Variants in RGS9 observed in about 807,000 individuals in gnomAD.
RGS9 encodes regulator of G-protein signalling 9.
RGS9 carries 78 observed loss-of-function variants against 102.0 expected under a neutral mutation model. The ratio of observed to expected loss-of-function variants is 0.76; its 90% CI spans 0.64 to 0.92. RGS9 has a LOEUF of 0.92. RGS9 is among the 40% of genes least tolerant of loss of function. RGS9 has a pLI of 0.00. For synonymous variants in RGS9, 353 were observed against 318.6 expected (o/e 1.11, Z -1.15); for missense variants, 833 against 866.1 (o/e 0.96, Z 0.48).
rs188902140 is a variant in RGS9, at chr17:65,168,201, G to A, written c.502G>A (p.Ala168Thr). 4 of 1,607,424 alleles carry A rather than the reference G, an allele frequency of 2.5e-6. No individual in the cohort carries two copies. The highest frequency in any genetic ancestry group is 2.7e-5 in the African/African-American group (2 of 74,802). The part of the protein sequence containing the change: ...VIMQAKEQYR[A>T]GKERNKADRY... ...TACACGTGGCTTTTGGCTTTCCAGG[G>A]CTGGAAAGGAGAGGAACAAAGCAGA... Residue 168 changes from alanine (A) to threonine (T), a missense_variant and splice_region_variant, in exon 8 of 19, where the codon GCT becomes ACT. Coordinates refer to ENST00000262406, the MANE Select transcript of RGS9 (RefSeq NM_003835.4).
At chr17:65,217,116 C>T (rs1044702963) in intron 17 of RGS9, among the ~76,000 whole-genome samples, 2 of 150,318 alleles carry the variant, frequency 1.3e-5, no homozygotes, top group Non-Finnish European at 3.0e-5. Flanking sequence ...GTGGGGGATA[C>T]GGGTGGGTGG....
intron 2 of RGS9, among the ~76,000 whole-genome samples, chr17:65,156,418 C>G (rs575352736): frequency 6.6e-6 from 1 of 152,374 alleles, no homozygotes; most frequent in East Asian, 1.9e-4. Flanking sequence ...GGCGAGGTCG[C>G]CCATCCTGCC....
intron 17 of RGS9, among the ~76,000 whole-genome samples, chr17:65,223,909 T>C (rs1331248853): frequency 2.7e-5 from 4 of 147,966 alleles, no homozygotes; most frequent in Non-Finnish European, 5.9e-5. Flanking sequence ...CACCACCACA[T>C]CCAGCTATTT....
At chr17:65,165,053 G>A (rs1911125413) in intron 7 of RGS9, among the ~76,000 whole-genome samples, 1 of 152,090 alleles carries the variant, frequency 6.6e-6, no homozygotes, top group Non-Finnish European at 1.5e-5. Context: ...TTCCAGCACT[G>A]GGCTGGGCTC....
intron 1 of RGS9, among the ~76,000 whole-genome samples, chr17:65,142,866 A>G (rs1350230568): frequency 6.6e-6 from 1 of 151,816 alleles, no homozygotes; most frequent in Non-Finnish European, 1.5e-5. Context: ...GCAGGTGTAA[A>G]CCACAAAGCC....
Position 65,163,056 on chromosome 17 carries a change from A to C in RGS9, c.467A>C (p.Asp156Ala). Residue 156 changes from aspartate to alanine, a missense_variant, in exon 7 of 19, where the codon GAC becomes GCC. By Grantham distance (126) the Asp-to-Ala change is moderately radical (BLOSUM62 -2). This residue lies in a region of RGS9 where 328 missense variants were observed against 340.6 expected (regional missense o/e 0.96). Transcript: ENST00000262406. ...FLNQKMNYKWDFVIMQAKEQY... is the reference protein window; with the variant it reads ...FLNQKMNYKWAFVIMQAKEQY... ...AACCAAAAAATGAACTATAAGTGGG[A>C]CTTTGTCATTATGCAGGCCAAAGAG... is the stretch of plus-strand genomic sequence containing the variant. 1 of 1,604,384 alleles carries C rather than the reference A, an allele frequency of 6.2e-7. No individual in the cohort carries two copies. The highest frequency in any genetic ancestry group is 2.2e-5 in the East Asian group (1 of 44,674).
At chr17:65,179,486 C>CTT (rs55658667) in intron 9 of RGS9, among the ~76,000 whole-genome samples, 12 of 151,492 alleles carry the variant, frequency 7.9e-5, no homozygotes, top group African/African-American at 2.4e-4. Context: ...GGAAGGGTTG[C>CTT]TTTTTTTTAT....
chr17:65,197,178 G>A lies in RGS9; in HGVS notation c.913G>A (p.Glu305Lys), dbSNP rs1467653724. The change falls in exon 13 of 19, where the codon GAA (glutamate) becomes AAA (lysine). Residue 305 changes from glutamate to lysine, a missense_variant. Physicochemically the swap from Glu to Lys is moderately conservative, Grantham distance 56. Transcript: ENST00000262406. Reference protein sequence around the residue: ...RVERWAFNFSELIRDPKGRQS... With the variant: ...RVERWAFNFSKLIRDPKGRQS... ...GGAACGATGGGCCTTCAACTTCAGC[G>A]AATTGATCCGAGACCCCAAAGGTCG... is the stretch of plus-strand genomic sequence containing the variant. 21 of 1,613,848 alleles carry A rather than the reference G, an allele frequency of 1.3e-5. No individual in the cohort carries two copies. The highest frequency in any genetic ancestry group is 1.7e-5 in the Non-Finnish European group (20 of 1,179,942).
intron 1 of RGS9, among the ~76,000 whole-genome samples, chr17:65,138,990 C>G (rs28538146): frequency 5.8e-4 from 9 of 15,492 alleles, no homozygotes; most frequent in Non-Finnish European, 2.7e-3. Flanking sequence ...ATCCCCTCCT[C>G]CACCCCAGCA....
intron 2 of RGS9, among the ~76,000 whole-genome samples, chr17:65,154,833 G>T (rs139002414): frequency 6.6e-6 from 1 of 152,306 alleles, no homozygotes; most frequent in South Asian, 2.1e-4. Context: ...CCAAGCCCGG[G>T]CCTCACCACG....
intron 13 of RGS9, among the ~76,000 whole-genome samples, chr17:65,200,217 A>G (rs926177729): frequency 6.6e-6 from 1 of 151,990 alleles, no homozygotes; most frequent in African/African-American, 2.4e-5. Flanking sequence ...TTTTTAGTAG[A>G]GACAGGGTTT....
At chr17:65,204,098 G>C (rs1912954500) in intron 14 of RGS9, 65 bp from the exon 15 acceptor site, 1 of 1,594,644 alleles carries the variant, frequency 6.3e-7, no homozygotes, top group South Asian at 1.1e-5. Context: ...CTCCCAAGCA[G>C]CTGTGAGCTA....
chr17:65,189,793 T>C (rs1208209468), intron 10 of RGS9, among the ~76,000 whole-genome samples: 1 of 152,232 alleles, frequency 6.6e-6, no homozygotes, highest in East Asian at 1.9e-4. Context: ...GATAACTTGC[T>C]TTGGCCAATG....
At chr17:65,219,301 T>TGAA (rs1204923614) in intron 17 of RGS9, among the ~76,000 whole-genome samples, 1 of 152,222 alleles carries the variant, frequency 6.6e-6, no homozygotes, top group Non-Finnish European at 1.5e-5. Flanking sequence ...TGTTTGGTAG[T>TGAA]GAAGGGACTG....
At chr17:65,218,995 G>T (rs758416214) in intron 17 of RGS9, among the ~76,000 whole-genome samples, 1 of 152,218 alleles carries the variant, frequency 6.6e-6, no homozygotes, top group African/African-American at 2.4e-5. Context: ...GGCAAGGACT[G>T]CTAGCCTGGT....
chr17:65,188,113 C>T (rs1912201746), intron 9 of RGS9, among the ~76,000 whole-genome samples: 1 of 152,020 alleles, frequency 6.6e-6, no homozygotes, highest in Non-Finnish European at 1.5e-5. Context: ...GCTGGGATCA[C>T]CACCTTGCCC....
intron 1 of RGS9, among the ~76,000 whole-genome samples, chr17:65,140,995 T>C (rs1359584861): frequency 6.6e-6 from 1 of 152,054 alleles, no homozygotes; most frequent in Non-Finnish European, 1.5e-5. Flanking sequence ...AGCTCCAACC[T>C]CTTGAGAAAT....
At chr17:65,161,456 T>TG (rs1222306013) in intron 6 of RGS9, among the ~76,000 whole-genome samples, 1 of 152,114 alleles carries the variant, frequency 6.6e-6, no homozygotes, top group African/African-American at 2.4e-5. Flanking sequence ...TTCACCATGT[T>TG]GGCCAGGCTA....
intron 2 of RGS9, among the ~76,000 whole-genome samples, chr17:65,154,277 A>C (rs1197667769): frequency 1.3e-5 from 2 of 152,344 alleles, no homozygotes; most frequent in Non-Finnish European, 1.5e-5. Flanking sequence ...ACTGCACTCC[A>C]GCCTGGGTGA....
Sources: gnomAD v4.1 joint callset for allele counts (sites outside exome capture counted in the v4.1 genomes callset) on GRCh38, gnomAD v4.1.1 for gene constraint, gnomAD v4.1.1 regional missense constraint, MANE v1.5 for transcripts, NCBI Gene and HGNC (gene_info 2026-07-23, HGNC 2026-07-21) for gene names.